Variants in DCTN5 observed in about 807,000 individuals in gnomAD.
The protein encoded by DCTN5 is dynactin 4.
A neutral mutation model predicts 23.5 loss-of-function variants in DCTN5; 14 were observed. The observed-to-expected ratio is 0.60, with a 90% CI of 0.39 to 0.93. The LOEUF is 0.93. DCTN5 is among the 40% of genes least tolerant of loss of function. The pLI is 0.00. For missense variants in DCTN5, 156 were observed against 225.9 expected, an observed-to-expected ratio of 0.69 and a Z score of 1.98; for synonymous variants, 67 against 79.6, an observed-to-expected ratio of 0.84 and a Z score of 0.84.
chr16:23,659,542 GA>G (rs1301956278), intron 3 of DCTN5, among the ~76,000 whole-genome samples: 3 of 152,174 alleles, frequency 2.0e-5, no homozygotes, highest in Non-Finnish European at 4.4e-5. Flanking sequence ...TCTAGTTGTA[GA>G]AGCAATTAGC....
intron 2 of DCTN5, among the ~76,000 whole-genome samples, chr16:23,652,042 AAAAAT>A (rs1967615246): frequency 6.6e-6 from 1 of 152,224 alleles, no homozygotes; most frequent in Non-Finnish European, 1.5e-5. Context: ...CTCAAAAACT[AAAAAT>A]AAAAAAGAAA....
intron 2 of DCTN5, among the ~76,000 whole-genome samples, chr16:23,643,472 T>C (rs1967355028): frequency 6.6e-6 from 1 of 151,972 alleles, no homozygotes; most frequent in Non-Finnish European, 1.5e-5. Context: ...GGATTATAGG[T>C]GTGAGCCACT....
At chr16:23,663,889 G>A (rs1967860424) in intron 4 of DCTN5, among the ~76,000 whole-genome samples, 1 of 152,232 alleles carries the variant, frequency 6.6e-6, no homozygotes, top group Non-Finnish European at 1.5e-5. Flanking sequence ...TGGCCAACCA[G>A]TGGACAGAGC....
At chr16:23,665,571 G>A in intron 4 of DCTN5, 55 bp from the exon 5 acceptor site, 1 of 1,500,706 alleles carries the variant, frequency 6.7e-7, no homozygotes, top group East Asian at 2.3e-5. Flanking sequence ...AAATAGAAAG[G>A]AGCCTTTCAC....
intron 2 of DCTN5, among the ~76,000 whole-genome samples, chr16:23,644,411 C>T (rs1239670292): frequency 6.6e-6 from 1 of 151,116 alleles, no homozygotes; most frequent in African/African-American, 2.4e-5. Flanking sequence ...CGCCATTCTC[C>T]TGCCTCAGCC....
rs530358670 is a variant in DCTN5, at chr16:23,664,176, G to A, written c.349-1450G>A. On this transcript the variant is annotated intron_variant, in intron 4 of 5. Transcript: ENST00000300087. ...AATTGCCACTAGCAGGTAACCCACG[G>A]AAGATAACTTTACAAGGAAGAACGA... is the stretch of plus-strand genomic sequence containing the variant. 2.6e-5 allele frequency among the ~76,000 whole-genome samples: 4 copies of A among 152,192 alleles called. No homozygotes were observed. In the East Asian group the frequency reaches 7.7e-4, roughly 29 times the overall value.
At position 23,643,060 on chromosome 16, in the gene DCTN5, G is replaced by A. The variant is rs768841757; in HGVS notation, c.117+37G>A. The A allele has an allele frequency of 2.2e-5, 34 of 1,571,342 alleles. No individual in the cohort carries two copies. In the Admixed American group the frequency reaches 5.5e-4, roughly 25 times the overall value. On this transcript the variant is annotated intron_variant, in intron 2 of 5. Transcript: ENST00000300087. ...AGCCAGCTCCAGGCTGCAAACCTTA[G>A]CTTGCGTTCTGCTAATTGTCACCAC...
chr16:23,645,091 A>C (rs1172679094), intron 2 of DCTN5, among the ~76,000 whole-genome samples: 1 of 13,428 alleles, frequency 7.4e-5, no homozygotes, highest in South Asian at 2.2e-3. Flanking sequence ...AACTATATAT[A>C]TATATATATA....
At chr16:23,645,104 TATATATATATATATATATA>T (rs1967407210) in intron 2 of DCTN5, among the ~76,000 whole-genome samples, 2 of 30,038 alleles carry the variant, frequency 6.7e-5, no homozygotes, top group African/African-American at 1.5e-4. Context: ...TATATATATA[TATATATATATATATATATA>T]TATATATATA....
At chr16:23,648,074 C>A (rs1479587940) in intron 2 of DCTN5, among the ~76,000 whole-genome samples, 1 of 151,930 alleles carries the variant, frequency 6.6e-6, no homozygotes, top group African/African-American at 2.4e-5. Context: ...TTCCACATAT[C>A]CCTAAATAAT....
chr16:23,647,495 C>CTTTTT (rs111226428), intron 2 of DCTN5, among the ~76,000 whole-genome samples: 2 of 140,434 alleles, frequency 1.4e-5, no homozygotes, highest in Admixed American at 7.1e-5. Flanking sequence ...GGGCTGTTTG[C>CTTTTT]TTTTTTTTTT....
At position 23,661,232 on chromosome 16, in the gene DCTN5, A is replaced by G. The variant is rs781224264; in HGVS notation, c.299A>G (p.Asn100Ser). 105 of 1,613,434 alleles carry G rather than the reference A, an allele frequency of 6.5e-5. No individual in the cohort carries two copies. Among genetic ancestry groups the G allele is most frequent in the East Asian group, 8.9e-5 (4 of 44,876 alleles). The part of the protein sequence containing the change: ...HVFIEEDCVV[N>S]AAQIGSYVHV... ...TTTATTGAGGAAGATTGTGTGGTCA[A>G]CGCAGCACAGATTGGTTCCTATGTT... The change falls in exon 4 of 6, where the codon AAC (asparagine) becomes AGC (serine). Residue 100 changes from asparagine (N) to serine (S), a missense_variant. Around this residue, in one of 2 missense-constraint regions of DCTN5, gnomAD observed 153 missense variants for 206.8 expected, o/e 0.74. Transcript: ENST00000300087.
chr16:23,645,552 C>G (rs145663901), intron 2 of DCTN5, among the ~76,000 whole-genome samples: 1 of 152,146 alleles, frequency 6.6e-6, no homozygotes, highest in Non-Finnish European at 1.5e-5. Context: ...AAGGAATACA[C>G]GCCCATTCCC....
At chr16:23,645,088 T>C (rs1424121324) in intron 2 of DCTN5, among the ~76,000 whole-genome samples, 2 of 11,042 alleles carry the variant, frequency 1.8e-4, no homozygotes, top group Non-Finnish European at 2.9e-4. Context: ...CCTAACTATA[T>C]ATATATATAT....
chr16:23,662,267 C>A (rs756243043), intron 4 of DCTN5, among the ~76,000 whole-genome samples: 2 of 152,002 alleles, frequency 1.3e-5, no homozygotes, highest in African/African-American at 4.8e-5. Flanking sequence ...GATTCACATG[C>A]GTAAGGAAGG....
intron 2 of DCTN5, among the ~76,000 whole-genome samples, chr16:23,643,310 G>A (rs1967350590): frequency 6.6e-6 from 1 of 151,636 alleles, no homozygotes; most frequent in African/African-American, 2.4e-5. Context: ...TCCTGCCTCA[G>A]CCTCCCGAGT....
In DCTN5 at chr16:23,675,120, C is replaced by T. The variant is rs1429170105; in HGVS notation, c.*7976C>T. 1 of 152,046 alleles carries T rather than the reference C, an allele frequency of 6.6e-6. No homozygotes were observed. Among genetic ancestry groups the T allele is most frequent in the Admixed American group, 6.6e-5 (1 of 15,258 alleles). The allele number at this position is 152,046 out of a possible 1,614,324, so 9.4% of individuals were successfully genotyped here. ...TTTTGTGGGGACATAATTCAACCCTCCACACATAATTACCAATTTCTGAAT... is the reference window on the plus strand; with the variant it reads ...TTTTGTGGGGACATAATTCAACCCTTCACACATAATTACCAATTTCTGAAT... On this transcript the variant is annotated 3_prime_UTR_variant, in exon 6 of 6. Coordinates refer to ENST00000300087, the MANE Select transcript of DCTN5 (RefSeq NM_032486.4).
intron 2 of DCTN5, among the ~76,000 whole-genome samples, chr16:23,652,762 TA>T (rs1012077133): frequency 2.0e-5 from 3 of 152,184 alleles, no homozygotes; most frequent in African/African-American, 7.2e-5. Context: ...AAGCCCTTTT[TA>T]AAAATAATTT....
chr16:23,653,596 A>G (rs143947095), intron 2 of DCTN5, among the ~76,000 whole-genome samples: 1 of 152,330 alleles, frequency 6.6e-6, no homozygotes, highest in Non-Finnish European at 1.5e-5. Flanking sequence ...AACTGTAAAA[A>G]TCCTGGAAGA....
Sources: gnomAD v4.1 joint callset for allele counts (sites outside exome capture counted in the v4.1 genomes callset) on GRCh38, gnomAD v4.1.1 for gene constraint, gnomAD v4.1.1 regional missense constraint, MANE v1.5 for transcripts, NCBI Gene and HGNC (gene_info 2026-07-23, HGNC 2026-07-21) for gene names.